Variants in FHIT observed in about 807,000 individuals in gnomAD.
FHIT encodes the protein fragile histidine triad diadenosine triphosphatase, also known as bis(5'-adenosyl)-triphosphatase.
FHIT carries 19 observed loss-of-function variants against 17.9 expected under a neutral mutation model. The observed-to-expected ratio is 1.06, with a 90% confidence interval of 0.74 to 1.56. The LOEUF is 1.56. Ranked by LOEUF, FHIT falls within the 40% of genes most tolerant of loss-of-function variation. FHIT has a pLI of 0.00. For missense variants in FHIT, 248 were observed against 189.2 expected, an observed-to-expected ratio of 1.31 and a Z score of -1.82; for synonymous variants, 81 against 69.7, an observed-to-expected ratio of 1.16 and a Z score of -0.81.
intron 8 of FHIT, among the ~76,000 whole-genome samples, chr3:59,866,998 T>G (rs542724446): frequency 6.6e-6 from 1 of 151,634 alleles, no homozygotes; most frequent in South Asian, 2.1e-4. Context: ...ATGTTTTGCT[T>G]TCTATGATAA....
chr3:60,013,964 T>G lies in FHIT; in HGVS notation c.249+43A>C, dbSNP rs13067835. 6.7e-5 allele frequency: 107 copies of G among 1,599,424 alleles called. 1 individual carries two copies. The highest frequency in any genetic ancestry group is 8.3e-5 in the Non-Finnish European group (97 of 1,169,094). ...GAGGAGCAAGCCCAATGCCGGGATA[T>G]GAAAGGGAAGAAAAATCATTTCTGA... On this transcript the variant is annotated intron_variant, in intron 6 of 9. Transcript: ENST00000492590.
chr3:61,036,357 A>T (rs908688861), intron 3 of FHIT, among the ~76,000 whole-genome samples: 104 of 152,112 alleles, frequency 6.8e-4, no homozygotes, highest in African/African-American at 2.5e-3. Context: ...CCCACCTCCA[A>T]CACTGGGGAT....
Position 61,023,227 on chromosome 3 carries a change from T to C in FHIT, c.-111+18820A>G, listed in dbSNP as rs550681011. Among the ~76,000 whole-genome samples the C allele has an allele frequency of 3.3e-5, 5 of 152,196 alleles. No individual in the cohort carries two copies. The South Asian group carries it at 1.0e-3, about 32-fold the overall frequency. Reference sequence around the variant, plus strand: ...GACAAACAGAGAGCCAAATTATGAGTGAACTCCCATTCACAATTGCTACAA... The same window carrying C: ...GACAAACAGAGAGCCAAATTATGAGCGAACTCCCATTCACAATTGCTACAA... On this transcript the variant is annotated intron_variant, in intron 3 of 9. Coordinates refer to ENST00000492590, the MANE Select transcript of FHIT (RefSeq NM_002012.4).
intron 8 of FHIT, among the ~76,000 whole-genome samples, chr3:59,841,975 T>G (rs879270528): frequency 7.9e-5 from 12 of 152,170 alleles, no homozygotes; most frequent in Admixed American, 7.2e-4. Context: ...ACATTTACAT[T>G]GTGGGCTACA....
At chr3:60,075,250 G>T (rs1299066300) in intron 5 of FHIT, among the ~76,000 whole-genome samples, 2 of 152,064 alleles carry the variant, frequency 1.3e-5, no homozygotes, top group African/African-American at 4.8e-5. Flanking sequence ...TCAATTTAAA[G>T]TGGGGAGCTC....
chr3:59,943,733 C>A (rs987437334), intron 7 of FHIT, among the ~76,000 whole-genome samples: 1 of 152,158 alleles, frequency 6.6e-6, no homozygotes, highest in Non-Finnish European at 1.5e-5. Flanking sequence ...CAACATCATT[C>A]CTTCATCATA....
chr3:60,362,215 C>T (rs976284846), intron 5 of FHIT, among the ~76,000 whole-genome samples: 47 of 152,248 alleles, frequency 3.1e-4, no homozygotes, highest in African/African-American at 1.1e-3. Context: ...ACAAGAGCAG[C>T]TAAAGTCTAC....
chr3:60,373,966 A>G (rs927230678), intron 5 of FHIT, among the ~76,000 whole-genome samples: 4 of 152,198 alleles, frequency 2.6e-5, no homozygotes, highest in African/African-American at 9.6e-5. Flanking sequence ...CAGAAGGCGG[A>G]ATCTCTAGTA....
chr3:61,153,431 A>G (rs1313484933), intron 2 of FHIT, among the ~76,000 whole-genome samples: 1 of 152,146 alleles, frequency 6.6e-6, no homozygotes, highest in East Asian at 1.9e-4. Context: ...TGTAGACACT[A>G]AACAAATGAC....
intron 4 of FHIT, among the ~76,000 whole-genome samples, chr3:60,738,616 G>A (rs960460531): frequency 3.3e-5 from 5 of 152,204 alleles, no homozygotes; most frequent in African/African-American, 1.2e-4. Context: ...CTGAGACATT[G>A]GTTCAAGTTC....
At chr3:60,801,628 G>A (rs1553732317) in intron 4 of FHIT, among the ~76,000 whole-genome samples, 1 of 152,208 alleles carries the variant, frequency 6.6e-6, no homozygotes. Flanking sequence ...TACAGACCAA[G>A]GTTATGCAAA....
At chr3:60,258,945 A>AGAAGGG (rs147137476) in intron 5 of FHIT, among the ~76,000 whole-genome samples, 19,212 of 151,364 alleles carry the variant, frequency 0.13, 1,503 homozygotes, top group Middle Eastern at 0.2. Context: ...GGGTCTTATG[A>AGAAGGG]GAAGGGGAAG....
chr3:60,747,259 A>T (rs1253180956), intron 4 of FHIT, among the ~76,000 whole-genome samples: 2 of 151,968 alleles, frequency 1.3e-5, no homozygotes, highest in Non-Finnish European at 2.9e-5. Flanking sequence ...CATTCCTCGG[A>T]TCTGTTTAGA....
chr3:60,375,517 G>C (rs1700516450), intron 5 of FHIT, among the ~76,000 whole-genome samples: 1 of 152,132 alleles, frequency 6.6e-6, no homozygotes, highest in Admixed American at 6.6e-5. Flanking sequence ...AGAGGTTGCA[G>C]TGAGCAGAGA....
chr3:59,895,013 A>C (rs868784398), intron 8 of FHIT, among the ~76,000 whole-genome samples: 4 of 152,214 alleles, frequency 2.6e-5, no homozygotes, highest in Non-Finnish European at 4.4e-5. Flanking sequence ...GGGGTTCTCA[A>C]CTGGTGACAA....
chr3:61,117,155 T>C (rs576987946), intron 2 of FHIT, among the ~76,000 whole-genome samples: 15 of 152,322 alleles, frequency 9.8e-5, no homozygotes, highest in African/African-American at 3.6e-4. Flanking sequence ...AAAAGATTAA[T>C]ACAAATAGAA....
intron 1 of FHIT, among the ~76,000 whole-genome samples, chr3:61,215,876 C>G (rs554084493): frequency 0.013 from 1,947 of 152,192 alleles, 40 homozygotes; most frequent in African/African-American, 0.044. Context: ...ACAAACCTGA[C>G]AAAAACAAGC....
At chr3:60,190,071 G>A (rs1018514201) in intron 5 of FHIT, among the ~76,000 whole-genome samples, 2 of 152,250 alleles carry the variant, frequency 1.3e-5, no homozygotes. Context: ...TTTCAGTAGG[G>A]AAAAACTATT....
At chr3:61,008,371 A>C (rs1387933993) in intron 3 of FHIT, among the ~76,000 whole-genome samples, 5 of 152,206 alleles carry the variant, frequency 3.3e-5, no homozygotes, top group Admixed American at 3.3e-4. Flanking sequence ...TTCCTGCTCC[A>C]GGGAAGGCTG....
Sources: gnomAD v4.1 joint callset for allele counts (sites outside exome capture counted in the v4.1 genomes callset) on GRCh38, gnomAD v4.1.1 for gene constraint, MANE v1.5 for transcripts, NCBI Gene and HGNC (gene_info 2026-07-23, HGNC 2026-07-21) for gene names.